Variants in SNX13 observed in about 807,000 individuals in gnomAD.
The protein encoded by SNX13 is sorting nexin-13.
In SNX13, 45 loss-of-function variants were observed where a neutral mutation model predicts 133.6. The ratio of observed to expected loss-of-function variants is 0.34; its 90% CI spans 0.27 to 0.43. The LOEUF is 0.43. Among genes scored for constraint, SNX13 ranks in the 20% least tolerant of loss-of-function variants. The pLI is 1.00. For missense variants in SNX13, 1,032 were observed against 1,145.1 expected, an observed-to-expected ratio of 0.90 and a Z score of 1.43; for synonymous variants, 414 against 373.9, an observed-to-expected ratio of 1.11 and a Z score of -1.24.
In SNX13 at chr7:17,917,012, T is replaced by G. The variant is rs187165841; in HGVS notation, c.13-19566A>C. Among the ~76,000 whole-genome samples the G allele has an allele frequency of 2.8e-3, 424 of 152,240 alleles. 10 individuals are homozygous for G. The highest frequency in any genetic ancestry group is 0.025 in the Admixed American group (383 of 15,290). On this transcript the variant is annotated intron_variant, in intron 1 of 25. Transcript: ENST00000428135. ...TGGCATGCAAGGATGGTTCAACATA[T>G]GCAAATCAATAAATGTGATTCACCA...
chr7:17,862,058 G>C (rs1792771603), intron 9 of SNX13, among the ~76,000 whole-genome samples: 2 of 152,128 alleles, frequency 1.3e-5, no homozygotes, highest in South Asian at 4.1e-4. Flanking sequence ...TTAGAATATA[G>C]GCTAAGCCCA....
intron 9 of SNX13, among the ~76,000 whole-genome samples, chr7:17,862,977 C>G (rs772752558): frequency 6.6e-6 from 1 of 152,094 alleles, no homozygotes; most frequent in Non-Finnish European, 1.5e-5. Context: ...CTCCACCACC[C>G]CTCCCCTCAA....
At chr7:17,888,222 T>C (rs1183652220) in intron 5 of SNX13, 2 of 152,372 alleles carry the variant, frequency 1.3e-5, no homozygotes, top group African/African-American at 4.8e-5. Flanking sequence ...CTAAAGTAGT[T>C]ATTATCTGTA....
chr7:17,818,058 A>G (rs1786866639), intron 18 of SNX13, among the ~76,000 whole-genome samples: 1 of 152,168 alleles, frequency 6.6e-6, no homozygotes, highest in South Asian at 2.1e-4. Context: ...TGGACCCACT[A>G]AGAGACAACA....
intron 12 of SNX13, among the ~76,000 whole-genome samples, chr7:17,843,037 A>T (rs1407719604): frequency 3.3e-5 from 5 of 152,052 alleles, no homozygotes; most frequent in Non-Finnish European, 7.4e-5. Flanking sequence ...ATCAAAAAAG[A>T]CATAAAGCAT....
chr7:17,800,014 C>A (rs1001577287), intron 22 of SNX13, among the ~76,000 whole-genome samples: 4 of 151,820 alleles, frequency 2.6e-5, no homozygotes, highest in South Asian at 2.1e-4. Context: ...AGTGCACCTT[C>A]CATTTCAAAA....
At chr7:17,893,501 C>A in intron 2 of SNX13, 67 bp from the exon 3 acceptor site, 1 of 997,408 alleles carries the variant, frequency 1.0e-6, no homozygotes, top group Admixed American at 2.5e-5. Flanking sequence ...AATCTACTAC[C>A]AAGTATATTT....
chr7:17,826,333 T>C (rs1469326868), intron 16 of SNX13, among the ~76,000 whole-genome samples: 1 of 151,998 alleles, frequency 6.6e-6, no homozygotes, highest in Non-Finnish European at 1.5e-5. Flanking sequence ...ATTAGATTAT[T>C]TCTCCCTTAA....
chr7:17,866,596 T>C (rs1231380742), intron 9 of SNX13, among the ~76,000 whole-genome samples: 4 of 152,140 alleles, frequency 2.6e-5, no homozygotes, highest in African/African-American at 9.7e-5. Flanking sequence ...TGAGGGACAT[T>C]ATGTTAAGTC....
chr7:17,902,115 T>G (rs1047507985), intron 1 of SNX13, among the ~76,000 whole-genome samples: 3 of 152,218 alleles, frequency 2.0e-5, no homozygotes, highest in Non-Finnish European at 4.4e-5. Flanking sequence ...GTTTTATTAT[T>G]CATTTGAAAA....
intron 1 of SNX13, 78 bp from the exon 2 acceptor site, chr7:17,897,524 C>G: frequency 1.3e-6 from 1 of 781,670 alleles, no homozygotes. Flanking sequence ...AAAACTTTTA[C>G]ATAGTTTTAA....
chr7:17,861,358 ACAC>A, intron 9 of SNX13, among the ~76,000 whole-genome samples: 1 of 151,444 alleles, frequency 6.6e-6, no homozygotes, highest in Non-Finnish European at 1.5e-5. Flanking sequence ...ACACACACAC[ACAC>A]ACACACACAC....
intron 5 of SNX13, chr7:17,888,096 T>C (rs1796216925): frequency 6.6e-6 from 1 of 152,032 alleles, no homozygotes; most frequent in African/African-American, 2.4e-5. Context: ...TGTGTAGTAA[T>C]AGAAAAAGGG....
At chr7:17,806,371 T>A (rs1785299599) in intron 20 of SNX13, among the ~76,000 whole-genome samples, 1 of 152,228 alleles carries the variant, frequency 6.6e-6, no homozygotes, top group African/African-American at 2.4e-5. Flanking sequence ...AAGTTCTGAA[T>A]AGCCATTGAT....
intron 21 of SNX13, 24 bp from the exon 22 acceptor site, chr7:17,801,683 A>G: frequency 1.3e-6 from 2 of 1,553,532 alleles, no homozygotes; most frequent in South Asian, 1.2e-5. Flanking sequence ...CAAATCCACA[A>G]AGTAAACACA....
At chr7:17,921,987 A>C (rs1800176217) in intron 1 of SNX13, among the ~76,000 whole-genome samples, 1 of 152,190 alleles carries the variant, frequency 6.6e-6, no homozygotes, top group South Asian at 2.1e-4. Context: ...ATTCACTACA[A>C]CTTCACTTTA....
chr7:17,846,201 G>A (rs371155943), intron 11 of SNX13, among the ~76,000 whole-genome samples: 2 of 149,312 alleles, frequency 1.3e-5, no homozygotes, highest in Non-Finnish European at 3.0e-5. Context: ...GTGAATTTCA[G>A]ACATACTTTT....
At chr7:17,874,522 C>G (rs556802787) in intron 7 of SNX13, among the ~76,000 whole-genome samples, 2 of 151,956 alleles carry the variant, frequency 1.3e-5, no homozygotes, top group Non-Finnish European at 2.9e-5. Flanking sequence ...TGCTAATAAA[C>G]TGGCCATTAA....
chr7:17,922,181 G>A (rs1800196377), intron 1 of SNX13, among the ~76,000 whole-genome samples: 1 of 152,220 alleles, frequency 6.6e-6, no homozygotes, highest in African/African-American at 2.4e-5. Flanking sequence ...TGAGCACAGG[G>A]TTACAAATAC....
Sources: gnomAD v4.1 joint callset for allele counts (sites outside exome capture counted in the v4.1 genomes callset) on GRCh38, gnomAD v4.1.1 for gene constraint, MANE v1.5 for transcripts, NCBI Gene and HGNC (gene_info 2026-07-23, HGNC 2026-07-21) for gene names.